Variants in SYNDIG1L observed in about 807,000 individuals in gnomAD.
SYNDIG1L encodes the protein synapse differentiation inducing 1 like.
SYNDIG1L carries 13 observed loss-of-function variants against 20.1 expected under a neutral mutation model. The ratio of observed to expected loss-of-function variants is 0.65; its 90% confidence interval spans 0.42 to 1.03. The LOEUF (loss-of-function observed/expected upper bound fraction) is 1.03. Among genes scored for constraint, SYNDIG1L ranks in the 50% least tolerant of loss-of-function variants. The pLI is 0.00. For missense variants in SYNDIG1L, 294 were observed against 305.1 expected (o/e 0.96, Z 0.27); for synonymous variants, 128 against 129.3 (o/e 0.99, Z 0.07).
chr14:74,436,362 G>T, the SYNDIG1L span, among the ~76,000 whole-genome samples: 8 of 151,868 alleles, frequency 5.3e-5, no homozygotes, highest in South Asian at 1.7e-3. Flanking sequence ...CCAAAATGCT[G>T]AAATTATAGG....
the SYNDIG1L span, chr14:74,480,091 C>A: frequency 6.5e-7 from 1 of 1,540,974 alleles, no homozygotes; most frequent in South Asian, 1.2e-5. Context: ...GAAAAAGAGA[C>A]ATGAGACAAC....
chr14:74,409,309 T>C lies in SYNDIG1L; in HGVS notation c.417+19A>G. On this transcript the variant is annotated intron_variant, in intron 2 of 3. Transcript: ENST00000331628. ...GTGTTGCTCATGCTGGAATCTGCAT[T>C]TTAACCTCATGCACTCACCTCCTCT... 7.0e-7 allele frequency: 1 copy of C among 1,436,880 alleles called. No homozygotes were observed. The highest frequency in any genetic ancestry group is 9.2e-7 in the Non-Finnish European group (1 of 1,081,950). 89.0% of individuals were successfully genotyped at this position (1,436,880 alleles called of 1,614,324 possible).
the SYNDIG1L span, among the ~76,000 whole-genome samples, chr14:74,468,322 G>A: frequency 6.6e-6 from 1 of 152,096 alleles, no homozygotes; most frequent in African/African-American, 2.4e-5. Context: ...GGCATTACTC[G>A]TGGCCAGAAG....
the SYNDIG1L span, among the ~76,000 whole-genome samples, chr14:74,442,770 A>G: frequency 6.6e-6 from 1 of 152,236 alleles, no homozygotes; most frequent in Non-Finnish European, 1.5e-5. Context: ...AGAAGTGGAC[A>G]GATTAGGAGA....
At chr14:74,449,156 C>T in the SYNDIG1L span, among the ~76,000 whole-genome samples, 4 of 151,526 alleles carry the variant, frequency 2.6e-5, no homozygotes, top group East Asian at 5.8e-4. Flanking sequence ...TCACTTGAGC[C>T]CTGGAGGTCA....
chr14:74,422,653 TCACACACA>T (rs34711949), intron 1 of SYNDIG1L, among the ~76,000 whole-genome samples: 4 of 140,394 alleles, frequency 2.8e-5, no homozygotes, highest in African/African-American at 5.3e-5. Context: ...ATCTCTCTCT[TCACACACA>T]CACACACACA....
chr14:74,431,444 T>A, the SYNDIG1L span, among the ~76,000 whole-genome samples: 1 of 152,148 alleles, frequency 6.6e-6, no homozygotes. Context: ...GTTATACTCT[T>A]TGGTCCAGGA....
upstream of SYNDIG1L, among the ~76,000 whole-genome samples, chr14:74,427,018 CCT>C (rs1261111823): frequency 6.6e-6 from 1 of 151,954 alleles, no homozygotes; most frequent in African/African-American, 2.4e-5. Context: ...TGAGCGTCCC[CCT>C]GAGTTTTCCC....
intron 1 of SYNDIG1L, among the ~76,000 whole-genome samples, chr14:74,413,903 C>A (rs908896274): frequency 1.3e-5 from 2 of 152,210 alleles, no homozygotes; most frequent in Non-Finnish European, 2.9e-5. Flanking sequence ...CTCTACACAG[C>A]TCATACTCAC....
At chr14:74,460,712 T>G in the SYNDIG1L span, among the ~76,000 whole-genome samples, 5 of 152,140 alleles carry the variant, frequency 3.3e-5, no homozygotes, top group Admixed American at 2.0e-4. Flanking sequence ...CTCGGCTCAC[T>G]GCAACCTCCG....
chr14:74,438,438 G>A, the SYNDIG1L span, among the ~76,000 whole-genome samples: 3 of 152,258 alleles, frequency 2.0e-5, no homozygotes, highest in East Asian at 1.9e-4. Context: ...GGGAGTTGGC[G>A]GCAGGGGATG....
At chr14:74,436,152 A>G in the SYNDIG1L span, among the ~76,000 whole-genome samples, 1 of 152,036 alleles carries the variant, frequency 6.6e-6, no homozygotes, top group African/African-American at 2.4e-5. Context: ...GTACAAAGAG[A>G]TAACAAGTCT....
chr14:74,456,069 T>C, the SYNDIG1L span, among the ~76,000 whole-genome samples: 2 of 152,370 alleles, frequency 1.3e-5, no homozygotes, highest in African/African-American at 2.4e-5. Flanking sequence ...AGGAGTCTGA[T>C]GGTTATATCG....
intron 1 of SYNDIG1L, among the ~76,000 whole-genome samples, chr14:74,416,965 T>C (rs2086180984): frequency 6.6e-6 from 1 of 152,210 alleles, no homozygotes; most frequent in Non-Finnish European, 1.5e-5. Flanking sequence ...GAGCTGGACA[T>C]GAGCCTTGGA....
the SYNDIG1L span, among the ~76,000 whole-genome samples, chr14:74,478,924 CAG>C: frequency 6.6e-6 from 1 of 152,084 alleles, no homozygotes; most frequent in Non-Finnish European, 1.5e-5. Context: ...GACTGACACA[CAG>C]AGAGATGAAG....
chr14:74,449,534 C>T, the SYNDIG1L span, among the ~76,000 whole-genome samples: 1 of 139,692 alleles, frequency 7.2e-6, no homozygotes, highest in African/African-American at 2.7e-5. Context: ...ATTGCTTGAA[C>T]CCAGGAGTTT....
chr14:74,442,969 G>A, the SYNDIG1L span, among the ~76,000 whole-genome samples: 1 of 152,226 alleles, frequency 6.6e-6, no homozygotes, highest in African/African-American at 2.4e-5. Flanking sequence ...CTTTGGACCT[G>A]TTGGCTTATG....
At chr14:74,412,348 G>T (rs2086138160) in intron 1 of SYNDIG1L, among the ~76,000 whole-genome samples, 2 of 152,232 alleles carry the variant, frequency 1.3e-5, no homozygotes, top group African/African-American at 4.8e-5. Flanking sequence ...CCGTAGGTGT[G>T]GGGTTGAGGG....
chr14:74,471,005 C>A, the SYNDIG1L span, among the ~76,000 whole-genome samples: 4 of 152,206 alleles, frequency 2.6e-5, no homozygotes, highest in Non-Finnish European at 5.9e-5. Context: ...ACAGCCCCAT[C>A]TTCAAGGAGC....
Sources: gnomAD v4.1 joint callset for allele counts (sites outside exome capture counted in the v4.1 genomes callset) on GRCh38, gnomAD v4.1.1 for gene constraint, MANE v1.5 for transcripts, NCBI Gene and HGNC (gene_info 2026-07-23, HGNC 2026-07-21) for gene names.